SKIC3: variants seen among roughly 807,000 people sequenced by gnomAD.
SKIC3 encodes SKI3 subunit of superkiller complex, also known as superkiller complex protein 3.
At chr5:95,551,965 G>A in the SKIC3 span, among the ~76,000 whole-genome samples, 2 of 151,900 alleles carry the variant, frequency 1.3e-5, no homozygotes, top group Non-Finnish European at 2.9e-5. Context: ...ATAACTCAGT[G>A]TTAAAAATTT....
At chr5:95,525,505 TA>T in the SKIC3 span, 1 of 1,613,812 alleles carries the variant, frequency 6.2e-7, no homozygotes, top group Admixed American at 1.7e-5. Context: ...CCATAATCTA[TA>T]AAGTAGACAC....
the SKIC3 span, among the ~76,000 whole-genome samples, chr5:95,535,981 G>C: frequency 1.1e-4 from 17 of 151,944 alleles, no homozygotes; most frequent in African/African-American, 3.9e-4. Context: ...TGAAATTCAG[G>C]TTATTAAAAA....
chr5:95,552,001 G>A, the SKIC3 span, among the ~76,000 whole-genome samples: 1 of 152,048 alleles, frequency 6.6e-6, no homozygotes, highest in Non-Finnish European at 1.5e-5. Context: ...ATCCCCAACC[G>A]TCCTGCAACC....
the SKIC3 span, chr5:95,525,328 A>C: frequency 7.9e-6 from 11 of 1,399,966 alleles, no homozygotes; most frequent in Non-Finnish European, 1.0e-6. Flanking sequence ...AAGCCTACTC[A>C]TTTTGAATTT....
At chr5:95,527,021 A>T in the SKIC3 span, among the ~76,000 whole-genome samples, 1 of 152,164 alleles carries the variant, frequency 6.6e-6, no homozygotes, top group South Asian at 2.1e-4. Context: ...ACATTTGCTG[A>T]GTTTTCTGAA....
chr5:95,489,760 A>C, the SKIC3 span, among the ~76,000 whole-genome samples: 1 of 152,190 alleles, frequency 6.6e-6, no homozygotes, highest in African/African-American at 2.4e-5. Flanking sequence ...ATGAAAGAAA[A>C]GAGATTGTCA....
the SKIC3 span, among the ~76,000 whole-genome samples, chr5:95,501,511 A>C: frequency 6.6e-6 from 1 of 152,102 alleles, no homozygotes; most frequent in Non-Finnish European, 1.5e-5. Flanking sequence ...AATGAAAATC[A>C]AACAAAATAA....
chr5:95,465,084 C>T, the SKIC3 span, among the ~76,000 whole-genome samples: 4 of 151,992 alleles, frequency 2.6e-5, no homozygotes, highest in South Asian at 8.3e-4. Context: ...CCCACCACCA[C>T]ACCTGGCTAA....
At chr5:95,498,007 T>C in the SKIC3 span, among the ~76,000 whole-genome samples, 1 of 152,156 alleles carries the variant, frequency 6.6e-6, no homozygotes, top group Admixed American at 6.5e-5. Flanking sequence ...TTTATTAAAC[T>C]TTTGAAGAAA....
the SKIC3 span, chr5:95,517,428 C>T: frequency 0.027 from 33,977 of 1,268,412 alleles, 568 homozygotes; most frequent in Non-Finnish European, 0.034. Context: ...AAGTACTTTA[C>T]TAGTCTCCTC....
the SKIC3 span, chr5:95,540,584 T>C: frequency 4.9e-6 from 7 of 1,434,128 alleles, no homozygotes; most frequent in Non-Finnish European, 6.8e-6. Context: ...AACATTACTA[T>C]GGAAATGGAA....
chr5:95,540,027 T>G, the SKIC3 span, among the ~76,000 whole-genome samples: 1 of 151,318 alleles, frequency 6.6e-6, no homozygotes, highest in African/African-American at 2.4e-5. Flanking sequence ...AATCAATGAG[T>G]GGATAAAGAA....
the SKIC3 span, chr5:95,537,207 C>G: frequency 4.6e-6 from 6 of 1,314,124 alleles, no homozygotes; most frequent in Non-Finnish European, 5.5e-6. Context: ...ATGTATAAGA[C>G]TCTCTTACAC....
chr5:95,508,551 G>A, the SKIC3 span, among the ~76,000 whole-genome samples: 2 of 152,136 alleles, frequency 1.3e-5, no homozygotes, highest in Non-Finnish European at 2.9e-5. Flanking sequence ...TGTGGCCTCA[G>A]TTCACTGAAG....
chr5:95,528,155 G>T, the SKIC3 span: 3 of 1,613,548 alleles, frequency 1.9e-6, no homozygotes, highest in Non-Finnish European at 2.5e-6. Flanking sequence ...CTTCAGAGCT[G>T]ACAAAATTAA....
the SKIC3 span, among the ~76,000 whole-genome samples, chr5:95,530,960 G>C: frequency 6.6e-6 from 1 of 151,760 alleles, no homozygotes; most frequent in African/African-American, 2.4e-5. Context: ...AGAATAAATT[G>C]TGAATAGCAT....
chr5:95,539,735 T>C, the SKIC3 span, among the ~76,000 whole-genome samples: 3 of 151,570 alleles, frequency 2.0e-5, no homozygotes, highest in Admixed American at 6.6e-5. Flanking sequence ...TCCCAGCTAC[T>C]TGTGAGGCTG....
chr5:95,525,339 T>A, the SKIC3 span: 1 of 1,510,420 alleles, frequency 6.6e-7, no homozygotes, highest in Non-Finnish European at 9.2e-7. Flanking sequence ...TTTTGAATTT[T>A]TCAGAAATAT....
the SKIC3 span, among the ~76,000 whole-genome samples, chr5:95,465,424 A>G: frequency 6.6e-6 from 1 of 152,128 alleles, no homozygotes; most frequent in Admixed American, 6.5e-5. Context: ...TAACTTTTCC[A>G]TGATTTTACC....
Sources: allele counts gnomAD v4.1 joint callset (sites outside exome capture counted in the v4.1 genomes callset), GRCh38; gene constraint gnomAD v4.1.1; transcripts MANE v1.5; gene names NCBI Gene and HGNC (gene_info 2026-07-23, HGNC 2026-07-21).